Variants in SH3D19 observed in about 807,000 individuals in gnomAD.
SH3D19 encodes SH3 domain containing 19.
In SH3D19, 58 loss-of-function variants were observed where a neutral mutation model predicts 112.1. The ratio of observed to expected loss-of-function variants is 0.52; its 90% CI spans 0.42 to 0.64. The LOEUF (loss-of-function observed/expected upper bound fraction) is 0.64. SH3D19 is among the 30% of genes least tolerant of loss of function. The pLI is 0.00. For synonymous variants in SH3D19, 391 were observed against 448.5 expected (o/e 0.87, Z 1.62); for missense variants, 1,090 against 1,263.4 (o/e 0.86, Z 2.08).
At chr4:151,125,761 A>G (rs1186931761) in intron 19 of SH3D19, among the ~76,000 whole-genome samples, 1 of 150,318 alleles carries the variant, frequency 6.7e-6, no homozygotes, top group African/African-American at 2.4e-5. Context: ...CTGAGGCAGA[A>G]GAATTGCTTG....
intron 1 of SH3D19, among the ~76,000 whole-genome samples, chr4:151,240,601 C>T (rs963499533): frequency 6.6e-6 from 1 of 151,934 alleles, no homozygotes; most frequent in Admixed American, 6.6e-5. Flanking sequence ...TTCACACCCA[C>T]TAGGATGGGT....
At chr4:151,231,206 T>C (rs754236088) in intron 1 of SH3D19, among the ~76,000 whole-genome samples, 4 of 152,182 alleles carry the variant, frequency 2.6e-5, no homozygotes, top group Non-Finnish European at 4.4e-5. Flanking sequence ...ACATCTTACT[T>C]TGGTGATTCT....
In SH3D19 at chr4:151,278,821, C is replaced by T. The variant is rs181259384; in HGVS notation, c.112+46420G>A. On this transcript the variant is annotated intron_variant, in intron 1 of 19. Coordinates refer to ENST00000604030, the MANE Select transcript of SH3D19 (RefSeq NM_001378122.1). ...AATTTCTTTATATTTTTTGTAGAGA[C>T]GGTGTTTGGCCATGTTGCCCAGGCT... Among the ~76,000 whole-genome samples the T allele has an allele frequency of 9.8e-4, 149 of 152,222 alleles. 1 individual carries two copies. The highest frequency in any genetic ancestry group is 3.5e-3 in the African/African-American group (144 of 41,540).
intron 12 of SH3D19, 140 bp downstream of exon 12, chr4:151,143,770 G>T: frequency 1.1e-6 from 1 of 914,698 alleles, no homozygotes; most frequent in Non-Finnish European, 1.6e-6. Context: ...TATTCTAAAA[G>T]TAGAATAAAT....
intron 1 of SH3D19, among the ~76,000 whole-genome samples, chr4:151,230,764 A>G (rs1769546731): frequency 2.6e-5 from 4 of 151,850 alleles, no homozygotes; most frequent in Admixed American, 2.6e-4. Flanking sequence ...TATTTTTAGT[A>G]GAGATGGGGT....
intron 1 of SH3D19, among the ~76,000 whole-genome samples, chr4:151,294,997 C>CA (rs1406329816): frequency 6.6e-6 from 1 of 152,166 alleles, no homozygotes; most frequent in East Asian, 1.9e-4. Context: ...TACAAAGGTT[C>CA]TGAGTTTAGG....
intron 2 of SH3D19, among the ~76,000 whole-genome samples, chr4:151,209,751 T>C (rs571936522): frequency 3.3e-4 from 50 of 152,304 alleles, no homozygotes; most frequent in African/African-American, 1.2e-3. Context: ...CACTGGTGTC[T>C]ATGCCTTGAA....
intron 1 of SH3D19, among the ~76,000 whole-genome samples, chr4:151,273,871 G>A (rs1301731881): frequency 6.6e-6 from 1 of 152,044 alleles, no homozygotes; most frequent in Non-Finnish European, 1.5e-5. Context: ...AAATTAATTG[G>A]AATATTCACA....
At chr4:151,203,348 G>A (rs1764665990) in intron 2 of SH3D19, among the ~76,000 whole-genome samples, 2 of 152,220 alleles carry the variant, frequency 1.3e-5, no homozygotes, top group African/African-American at 4.8e-5. Flanking sequence ...CCAATGCACA[G>A]AACCTAACCA....
chr4:151,247,941 G>A (rs1212883803), intron 1 of SH3D19, among the ~76,000 whole-genome samples: 1 of 152,144 alleles, frequency 6.6e-6, no homozygotes, highest in East Asian at 1.9e-4. Context: ...CCTATGATCA[G>A]CGCTGAGACT....
intron 18 of SH3D19, 27 bp downstream of exon 18, chr4:151,128,143 C>T (rs1339947242): frequency 1.3e-5 from 20 of 1,555,620 alleles, no homozygotes; most frequent in Non-Finnish European, 1.7e-5. Flanking sequence ...CGTGAGGAGT[C>T]GCATTCATGT....
At chr4:151,135,649 G>A (rs1316749149) in intron 14 of SH3D19, among the ~76,000 whole-genome samples, 6 of 151,942 alleles carry the variant, frequency 3.9e-5, no homozygotes, top group African/African-American at 1.5e-4. Context: ...GGCTGGTCTT[G>A]AACTCTTGGA....
chr4:151,240,842 T>C (rs757357321), intron 1 of SH3D19, among the ~76,000 whole-genome samples: 3 of 151,928 alleles, frequency 2.0e-5, no homozygotes, highest in Non-Finnish European at 4.4e-5. Flanking sequence ...TACACAAATA[T>C]TCATAGTAGC....
intron 1 of SH3D19, among the ~76,000 whole-genome samples, chr4:151,285,989 A>G (rs879651622): frequency 1.1e-4 from 16 of 151,182 alleles, no homozygotes; most frequent in Non-Finnish European, 1.9e-4. Flanking sequence ...TCAGCCCAGG[A>G]GTTCGAGACC....
chr4:151,263,926 C>T (rs956246309), intron 1 of SH3D19, among the ~76,000 whole-genome samples: 1 of 152,186 alleles, frequency 6.6e-6, no homozygotes, highest in Non-Finnish European at 1.5e-5. Context: ...CCCACTTCAG[C>T]CTCCTGAGTA....
intron 12 of SH3D19, 29 bp downstream of exon 12, chr4:151,143,881 T>C: frequency 6.3e-7 from 1 of 1,592,946 alleles, no homozygotes; most frequent in African/African-American, 1.3e-5. Flanking sequence ...ATGTGTGATA[T>C]GAGGGCTGTA....
chr4:151,313,794 A>G (rs1456595628), intron 1 of SH3D19, among the ~76,000 whole-genome samples: 1 of 152,112 alleles, frequency 6.6e-6, no homozygotes, highest in Non-Finnish European at 1.5e-5. Context: ...CTATATGTTG[A>G]GGGGAATCTT....
intron 1 of SH3D19, among the ~76,000 whole-genome samples, chr4:151,263,170 T>C (rs1281685996): frequency 9.0e-6 from 1 of 110,522 alleles, no homozygotes; most frequent in African/African-American, 3.5e-5. Context: ...TTTGGTTGAT[T>C]CTAACAAATT....
intron 17 of SH3D19, among the ~76,000 whole-genome samples, chr4:151,130,695 A>G (rs1750462519): frequency 6.6e-6 from 1 of 152,170 alleles, no homozygotes; most frequent in Non-Finnish European, 1.5e-5. Flanking sequence ...TAATCCCAGC[A>G]CTTAGGGAGG....
Sources: allele counts gnomAD v4.1 joint callset (sites outside exome capture counted in the v4.1 genomes callset), GRCh38; gene constraint gnomAD v4.1.1; transcripts MANE v1.5; gene names NCBI Gene and HGNC (gene_info 2026-07-23, HGNC 2026-07-21).